PRH1: variants seen among roughly 807,000 people sequenced by gnomAD.
PRH1 encodes proline rich protein HaeIII subfamily 1, also known as salivary acidic proline-rich phosphoprotein 1/2.
PRH1 carries 7 observed loss-of-function variants against 7.9 expected under a neutral mutation model. The ratio of observed to expected loss-of-function variants is 0.89; its 90% CI spans 0.50 to 1.67. The LOEUF (loss-of-function observed/expected upper bound fraction) is 1.67, where lower values mean the gene tolerates loss of function less well. Ranked by LOEUF, PRH1 falls within the 40% of genes most tolerant of loss-of-function variation. The pLI is 0.00. For missense variants in PRH1, 109 were observed against 223.6 expected, an observed-to-expected ratio of 0.49 and a Z score of 3.27; for synonymous variants, 45 against 80.8, an observed-to-expected ratio of 0.56 and a Z score of 2.38.
chr12:11,133,615 C>T, intron 1 of PRH1: 1 of 1,570,662 alleles, frequency 6.4e-7, no homozygotes, highest in Non-Finnish European at 8.6e-7. Flanking sequence ...TGCCATGGAG[C>T]TGCATCTTCT....
intron 2 of PRH1, among the ~76,000 whole-genome samples, chr12:10,892,277 T>C (rs1949585275): frequency 6.6e-6 from 1 of 152,190 alleles, no homozygotes; most frequent in Non-Finnish European, 1.5e-5. Context: ...ATTCCCAAGA[T>C]CAAGGTTACA....
intron 1 of PRH1, among the ~76,000 whole-genome samples, chr12:11,000,372 T>C (rs1940529100): frequency 6.6e-6 from 1 of 152,152 alleles, no homozygotes; most frequent in Non-Finnish European, 1.5e-5. Context: ...ATGAAGGTCC[T>C]CTATTCTTTT....
At chr12:11,085,200 T>C (rs1245748423) in intron 1 of PRH1, among the ~76,000 whole-genome samples, 1 of 150,176 alleles carries the variant, frequency 6.7e-6, no homozygotes, top group Non-Finnish European at 1.5e-5. Flanking sequence ...AGTATAATTA[T>C]GCTAGACATA....
intron 2 of PRH1, among the ~76,000 whole-genome samples, chr12:10,967,241 G>C (rs562233667): frequency 2.0e-5 from 3 of 151,926 alleles, no homozygotes; most frequent in African/African-American, 7.3e-5. Flanking sequence ...TCTTAGAGTT[G>C]TATGTAAAGA....
At position 10,938,213 on chromosome 12, in the gene PRH1, C is replaced by T; in HGVS notation, c.-59+35442G>A. On this transcript the variant is annotated intron_variant, in intron 2 of 3. Transcript: ENST00000539853. ...CTTAAGGAAGTATAAATTTATATAA[C>T]ATACAAGAATTTCTTAGGAGCTATT... 3 of 1,309,812 alleles carry T rather than the reference C, an allele frequency of 2.3e-6. No homozygotes were observed. The South Asian group carries it at 4.3e-5, about 19-fold the overall frequency. The allele number at this position is 1,309,812 out of a possible 1,614,324, so 81.1% of individuals were successfully genotyped here.
intron 1 of PRH1, among the ~76,000 whole-genome samples, chr12:11,064,969 C>G (rs982432756): frequency 6.6e-6 from 1 of 152,036 alleles, no homozygotes; most frequent in South Asian, 2.1e-4. Context: ...CCCGGGAGTT[C>G]CAGACTGCAG....
At chr12:10,985,083 A>T (rs935503016) in intron 1 of PRH1, among the ~76,000 whole-genome samples, 1 of 151,854 alleles carries the variant, frequency 6.6e-6, no homozygotes, top group Non-Finnish European at 1.5e-5. Context: ...AGAAAAAAAA[A>T]CCTGAAATAC....
chr12:10,988,742 GCC>G (rs994536134), intron 1 of PRH1, among the ~76,000 whole-genome samples: 1 of 151,978 alleles, frequency 6.6e-6, no homozygotes, highest in African/African-American at 2.4e-5. Context: ...CACTCTCCAA[GCC>G]CCTACACCTT....
chr12:11,007,706 C>T (rs1055940973), intron 1 of PRH1, among the ~76,000 whole-genome samples: 1 of 152,050 alleles, frequency 6.6e-6, no homozygotes, highest in Non-Finnish European at 1.5e-5. Flanking sequence ...ATGGCTTCCA[C>T]ATTGGAGTTT....
intron 1 of PRH1, chr12:11,134,397 T>C (rs1669404): frequency 5.1e-6 from 5 of 986,140 alleles, no homozygotes; most frequent in Non-Finnish European, 7.3e-6. Flanking sequence ...CAGTGTCAAG[T>C]CAGAAATCAC....
At chr12:11,169,870 G>C (rs1947761144) in intron 1 of PRH1, among the ~76,000 whole-genome samples, 1 of 152,172 alleles carries the variant, frequency 6.6e-6, no homozygotes, top group Non-Finnish European at 1.5e-5. Context: ...AAGAATACTA[G>C]CTGGGAACAC....
chr12:10,945,129 G>T (rs1274100014), intron 2 of PRH1, among the ~76,000 whole-genome samples: 1 of 152,138 alleles, frequency 6.6e-6, no homozygotes, highest in Admixed American at 6.5e-5. Context: ...TGTAAAAATG[G>T]TAACAGCTCT....
downstream of PRH1, among the ~76,000 whole-genome samples, chr12:11,118,689 G>A (rs1270317673): frequency 1.3e-5 from 2 of 152,094 alleles, no homozygotes; most frequent in African/African-American, 2.4e-5. Flanking sequence ...AGCAACAGAT[G>A]AATAGATAAA....
chr12:11,161,909 T>C (rs1230062917), intron 1 of PRH1, among the ~76,000 whole-genome samples: 1 of 152,224 alleles, frequency 6.6e-6, no homozygotes, highest in Non-Finnish European at 1.5e-5. Flanking sequence ...TTTGGAAATT[T>C]TTGTAGGGTA....
At chr12:10,937,479 A>C (rs976497658) in intron 2 of PRH1, 2 of 152,162 alleles carry the variant, frequency 1.3e-5, no homozygotes, top group African/African-American at 4.8e-5. Flanking sequence ...CTCCCTGAAG[A>C]ATATTTTTAA....
chr12:11,096,831 G>C (rs368722688), intron 1 of PRH1, among the ~76,000 whole-genome samples: 1 of 114,316 alleles, frequency 8.7e-6, no homozygotes, highest in East Asian at 2.1e-4. Flanking sequence ...ACGGAGTCTC[G>C]TTGTCTCCCA....
At chr12:11,147,834 T>C (rs575968498) in intron 1 of PRH1, among the ~76,000 whole-genome samples, 1 of 152,106 alleles carries the variant, frequency 6.6e-6, no homozygotes, top group Admixed American at 6.6e-5. Context: ...AAAGTCATTG[T>C]TAGCTTGATG....
intron 1 of PRH1, among the ~76,000 whole-genome samples, chr12:11,128,531 A>G (rs2708344): frequency 0.46 from 69,180 of 151,272 alleles, 16,549 homozygotes; most frequent in Non-Finnish European, 0.53. Context: ...GATCACCTGA[A>G]GTCAGGAGTG....
intron 1 of PRH1, chr12:10,997,469 G>T (rs899771607): frequency 6.2e-7 from 1 of 1,613,700 alleles, no homozygotes; most frequent in South Asian, 1.1e-5. Flanking sequence ...AAAGAACAAA[G>T]ACCCCAACAC....
Sources: gnomAD v4.1 joint callset for allele counts (sites outside exome capture counted in the v4.1 genomes callset) on GRCh38, gnomAD v4.1.1 for gene constraint, MANE v1.5 for transcripts, NCBI Gene and HGNC (gene_info 2026-07-23, HGNC 2026-07-21) for gene names.